The following CDH7 variants were observed in gnomAD, a reference collection of about 807,000 sequenced individuals.
CDH7 encodes the protein cadherin-7.
In CDH7, 25 loss-of-function variants were observed where a neutral mutation model predicts 71.8. The ratio of observed to expected loss-of-function variants is 0.35; its 90% CI spans 0.25 to 0.49. CDH7 has a LOEUF of 0.49. Among genes scored for constraint, CDH7 ranks in the 20% least tolerant of loss-of-function variants. The probability of loss-of-function intolerance (pLI) is 0.99; values close to 1 mark genes in which losing one functional copy is unlikely to be tolerated. For synonymous variants in CDH7, 381 were observed against 363.8 expected (o/e 1.05, Z -0.54); for missense variants, 862 against 974.6 (o/e 0.88, Z 1.54).
At chr18:65,765,331 A>G (rs927549605) in intron 2 of CDH7, among the ~76,000 whole-genome samples, 2 of 152,022 alleles carry the variant, frequency 1.3e-5, no homozygotes, top group Non-Finnish European at 2.9e-5. Flanking sequence ...TATAGATTTT[A>G]TATTTGAGAT....
At chr18:65,871,105 A>G (rs9959875) in intron 11 of CDH7, among the ~76,000 whole-genome samples, 14,301 of 152,212 alleles carry the variant, frequency 0.094, 1,176 homozygotes, top group African/African-American at 0.21. Context: ...CAAAATCACA[A>G]GTGAGAGCAT....
rs1415248505 is a variant in CDH7, at chr18:65,887,139, T to C, written c.*6245T>C. ...ATGGTTTATATAAGCAGGAAAAACTTATATGATTCACTACCCTACAGCTTC... is the reference window on the plus strand; with the variant it reads ...ATGGTTTATATAAGCAGGAAAAACTCATATGATTCACTACCCTACAGCTTC... On this transcript the variant is annotated 3_prime_UTR_variant, in exon 12 of 12. Transcript: ENST00000397968. 6.6e-6 allele frequency: 1 copy of C among 152,192 alleles called. No homozygotes were observed. Among genetic ancestry groups the C allele is most frequent in the Non-Finnish European group, 1.5e-5 (1 of 68,024 alleles). The allele number at this position is 152,192 out of a possible 1,614,324, so 9.4% of individuals were successfully genotyped here.
chr18:65,762,268 G>C (rs570606092), intron 1 of CDH7, among the ~76,000 whole-genome samples: 1 of 151,702 alleles, frequency 6.6e-6, no homozygotes, highest in Non-Finnish European at 1.5e-5. Context: ...TAATACCAAC[G>C]AATGAAAATC....
chr18:65,809,732 G>C lies in CDH7; in HGVS notation c.239G>C (p.Gly80Ala). 2 of 1,613,840 alleles carry C rather than the reference G, an allele frequency of 1.2e-6. No individual in the cohort carries two copies. Among genetic ancestry groups the C allele is most frequent in the Non-Finnish European group, 1.7e-6 (2 of 1,179,888 alleles). ...KLHSDVDKGD[G>A]SIKYILSGEG... ...CACTCTGATGTTGATAAAGGAGATG[G>C]TTCCATCAAATACATCTTGTCAGGC... The change falls in exon 3 of 12, where the codon GGT becomes GCT. Residue 80 changes from glycine to alanine, a missense_variant. Gly to Ala is a moderately conservative substitution (Grantham distance 60, BLOSUM62 0). Transcript: ENST00000397968.
intron 6 of CDH7, among the ~76,000 whole-genome samples, chr18:65,830,016 G>A (rs1265120692): frequency 6.6e-6 from 1 of 152,096 alleles, no homozygotes; most frequent in African/African-American, 2.4e-5. Context: ...ATTTGAACAT[G>A]CCCTGGGGAA....
At chr18:65,834,383 C>G (rs1248226587) in intron 6 of CDH7, among the ~76,000 whole-genome samples, 1 of 152,080 alleles carries the variant, frequency 6.6e-6, no homozygotes, top group Non-Finnish European at 1.5e-5. Flanking sequence ...TATGCACATG[C>G]ATGGCAATCA....
At chr18:65,810,206 A>G (rs1232912243) in intron 3 of CDH7, among the ~76,000 whole-genome samples, 1 of 152,176 alleles carries the variant, frequency 6.6e-6, no homozygotes, top group Non-Finnish European at 1.5e-5. Flanking sequence ...ATGGAATATT[A>G]GGAAATTGTT....
intron 10 of CDH7, among the ~76,000 whole-genome samples, 196 bp from the exon 11 acceptor site, chr18:65,862,470 A>G (rs191113664): frequency 1.4e-4 from 22 of 152,348 alleles, no homozygotes; most frequent in African/African-American, 4.8e-4. Flanking sequence ...ATAGAATAAC[A>G]TAAATGTCTT....
rs933015156 is a variant in CDH7 at position 65,888,690 on chromosome 18, T to A, written c.*7796T>A. On this transcript the variant is annotated 3_prime_UTR_variant, in exon 12 of 12. Transcript: ENST00000397968. ...TGTGAATCACTCAAGTTAGGCATTG[T>A]TAGGTTTTTTAAGGAAAAACTTTGA... 1 of 152,016 alleles carries A rather than the reference T, an allele frequency of 6.6e-6. No homozygotes were observed. Among genetic ancestry groups the A allele is most frequent in the African/African-American group, 2.4e-5 (1 of 41,380 alleles). The allele number at this position is 152,016 out of a possible 1,614,324, so 9.4% of individuals were successfully genotyped here. A position where few individuals can be genotyped will look rare whatever the true frequency, so the allele number is the denominator to read the frequency against.
intron 6 of CDH7, among the ~76,000 whole-genome samples, chr18:65,840,471 T>G (rs1003315167): frequency 6.6e-6 from 1 of 152,162 alleles, no homozygotes; most frequent in Non-Finnish European, 1.5e-5. Context: ...TATGTTTGGC[T>G]GTGTCCCCAC....
chr18:65,806,572 GT>G (rs1391849264), intron 2 of CDH7, among the ~76,000 whole-genome samples: 4 of 151,790 alleles, frequency 2.6e-5, no homozygotes, highest in Non-Finnish European at 5.9e-5. Context: ...ATCATAGTTT[GT>G]TTTTTTCTTG....
intron 6 of CDH7, among the ~76,000 whole-genome samples, chr18:65,833,227 A>G (rs897484731): frequency 1.3e-5 from 2 of 152,154 alleles, no homozygotes; most frequent in Non-Finnish European, 2.9e-5. Flanking sequence ...CAAGCTGCAC[A>G]GATGTGGACT....
chr18:65,762,359 A>G (rs183451133), intron 1 of CDH7, among the ~76,000 whole-genome samples: 7 of 152,328 alleles, frequency 4.6e-5, no homozygotes, highest in African/African-American at 1.7e-4. Flanking sequence ...TGTAAAATAA[A>G]CCATATGCTC....
chr18:65,858,048 C>T, intron 8 of CDH7, 96 bp downstream of exon 8: 1 of 1,191,352 alleles, frequency 8.4e-7, no homozygotes, highest in East Asian at 2.5e-5. Flanking sequence ...TAAAGTAGTT[C>T]CTTCTTTGAA....
At chr18:65,812,798 T>C (rs984734139) in intron 3 of CDH7, among the ~76,000 whole-genome samples, 2 of 152,228 alleles carry the variant, frequency 1.3e-5, no homozygotes, top group African/African-American at 4.8e-5. Context: ...TTAGTTTTTA[T>C]TATTTGGTTT....
At position 65,793,362 on chromosome 18, in the gene CDH7, G is replaced by A. The variant is rs1910784193; in HGVS notation, c.211-16342G>A. Among the ~76,000 whole-genome samples the A allele has an allele frequency of 2.0e-5, 3 of 151,312 alleles. No individual in the cohort carries two copies. In the South Asian group the frequency reaches 6.3e-4, roughly 32 times the overall value. On this transcript the variant is annotated intron_variant, in intron 2 of 11. Coordinates refer to ENST00000397968, the MANE Select transcript of CDH7 (RefSeq NM_004361.5). ...GTGGGAGGATTGCTTGAGTCTGAGA[G>A]GTGGAGTCTTGTAGTGCCACTGTAC... is the stretch of plus-strand genomic sequence containing the variant.
At chr18:65,877,205 GC>G in intron 11 of CDH7, among the ~76,000 whole-genome samples, 1 of 151,940 alleles carries the variant, frequency 6.6e-6, no homozygotes, top group Middle Eastern at 3.4e-3. Flanking sequence ...GTTTTTCTTT[GC>G]CTTGGACAAG....
chr18:65,798,213 A>AT (rs1910985244), intron 2 of CDH7, among the ~76,000 whole-genome samples: 1 of 151,588 alleles, frequency 6.6e-6, no homozygotes, highest in Non-Finnish European at 1.5e-5. Context: ...AAATCAAAGC[A>AT]TTTGAGAGCA....
chr18:65,857,119 T>G (rs1478799028), intron 7 of CDH7, among the ~76,000 whole-genome samples: 2 of 151,672 alleles, frequency 1.3e-5, no homozygotes, highest in East Asian at 3.9e-4. Context: ...ATGTTTCATT[T>G]TAGAAGGGTC....
Sources: gnomAD v4.1 joint callset for allele counts (sites outside exome capture counted in the v4.1 genomes callset) on GRCh38, gnomAD v4.1.1 for gene constraint, MANE v1.5 for transcripts, NCBI Gene and HGNC (gene_info 2026-07-23, HGNC 2026-07-21) for gene names.